The following PADI1 variants were observed in gnomAD, a reference collection of about 807,000 sequenced individuals.
PADI1 encodes the protein protein-arginine deiminase type-1.
A neutral mutation model predicts 74.8 loss-of-function variants in PADI1; 65 were observed. The ratio of observed to expected loss-of-function variants is 0.87; its 90% CI spans 0.71 to 1.07. The LOEUF (loss-of-function observed/expected upper bound fraction) is 1.07, where lower values mean the gene tolerates loss of function less well. Ranked by LOEUF, PADI1 falls within the 50% of genes least tolerant of loss-of-function variation. The pLI, the probability that PADI1 is intolerant of heterozygous loss-of-function variation, is 0.00. For synonymous variants in PADI1, 371 were observed against 336.2 expected (o/e 1.10, Z -1.13); for missense variants, 943 against 854.0 (o/e 1.10, Z -1.30).
chr1:17,232,238 G>A (rs200883230), intron 10 of PADI1, among the ~76,000 whole-genome samples: 3 of 152,088 alleles, frequency 2.0e-5, no homozygotes, highest in Non-Finnish European at 2.9e-5. Context: ...GAGCCACCAC[G>A]CCTGGCCTAC....
chr1:17,238,310 G>A (rs1569847610), intron 12 of PADI1, among the ~76,000 whole-genome samples: 1 of 152,246 alleles, frequency 6.6e-6, no homozygotes, highest in East Asian at 1.9e-4. Context: ...CCAAAGTGCT[G>A]GGATTACAGG....
At chr1:17,216,686 C>A (rs2071986552) in intron 1 of PADI1, among the ~76,000 whole-genome samples, 1 of 152,162 alleles carries the variant, frequency 6.6e-6, no homozygotes, top group South Asian at 2.1e-4. Context: ...GCCTGGCCAA[C>A]ATGGCGAAAC....
At position 17,222,352 on chromosome 1, in the gene PADI1, T is replaced by G; in HGVS notation, c.155T>G (p.Met52Arg). The G allele has an allele frequency of 6.2e-7, 1 of 1,614,062 alleles. No individual in the cohort carries two copies. Among genetic ancestry groups the G allele is most frequent in the Non-Finnish European group, 8.5e-7 (1 of 1,179,916 alleles). Residue 52 changes from methionine (M) to arginine (R), a missense_variant, in exon 2 of 16, where the codon ATG (methionine) becomes AGG (arginine). Met to Arg is a moderately conservative substitution (Grantham distance 91). Transcript: ENST00000375471. ...VSGSSGVEVF[M>R]VYNRTRVKEP... ...GGAAGCTCCGGGGTGGAGGTCTTCA[T>G]GGTCTACAACCGCACACGTGTGAAA...
intron 1 of PADI1, among the ~76,000 whole-genome samples, chr1:17,217,553 T>C (rs1032028645): frequency 2.0e-5 from 3 of 152,236 alleles, no homozygotes; most frequent in Admixed American, 1.3e-4. Context: ...ACAGCCACTA[T>C]TTAAAATTAA....
At chr1:17,240,892 A>G in intron 15 of PADI1, 132 bp downstream of exon 15, 2 of 1,050,918 alleles carry the variant, frequency 1.9e-6, no homozygotes, top group East Asian at 2.5e-5. Flanking sequence ...TTTTGTGAAT[A>G]TAGAGAACAT....
intron 1 of PADI1, among the ~76,000 whole-genome samples, chr1:17,220,173 G>A (rs1290502882): frequency 6.6e-6 from 1 of 152,040 alleles, no homozygotes; most frequent in Non-Finnish European, 1.5e-5. Flanking sequence ...GGGGCTCCTG[G>A]GGCCCCTGCA....
intron 1 of PADI1, among the ~76,000 whole-genome samples, chr1:17,219,301 G>A (rs1026936302): frequency 6.6e-6 from 1 of 152,036 alleles, no homozygotes; most frequent in Non-Finnish European, 1.5e-5. Context: ...AGGGATGAGG[G>A]ACAGCAGTGG....
Position 17,239,767 on chromosome 1 carries a change from A to G in PADI1, c.1616A>G (p.Asp539Gly), listed in dbSNP as rs1400523146. The G allele has an allele frequency of 1.2e-6, 2 of 1,613,724 alleles. No homozygotes were observed. Among genetic ancestry groups the G allele is most frequent in the South Asian group, 1.1e-5 (1 of 91,058 alleles). The part of the protein sequence containing the change: ...EMLADRHLQR[D>G]NLHAQKCIDW... ...CTGGCAGACAGACACCTCCAGAGAG[A>G]CAATCTTCATGCACAGGTGAGAGGC... The change falls in exon 14 of 16, where the codon GAC (aspartate) becomes GGC (glycine). Residue 539 changes from aspartate to glycine, a missense_variant. Asp to Gly is a moderately conservative substitution (Grantham distance 94). Transcript: ENST00000375471.
chr1:17,238,879 C>A (rs2072714357), intron 13 of PADI1, among the ~76,000 whole-genome samples, 170 bp downstream of exon 13: 1 of 152,146 alleles, frequency 6.6e-6, no homozygotes, highest in Non-Finnish European at 1.5e-5. Flanking sequence ...CTGGGCCACA[C>A]CCCAGGAGAG....
chr1:17,213,893 G>A (rs2071901658), intron 1 of PADI1, among the ~76,000 whole-genome samples: 1 of 152,192 alleles, frequency 6.6e-6, no homozygotes, highest in Non-Finnish European at 1.5e-5. Context: ...ACCCCATTCT[G>A]CCCATAACCT....
Position 17,226,082 on chromosome 1 carries a change from G to T in PADI1, c.576G>T (p.Lys192Asn), listed in dbSNP as rs765694433. Residue 192 changes from lysine to asparagine, a missense_variant, in exon 6 of 16, where the codon AAG (lysine) becomes AAT (asparagine). By Grantham distance (94) the Lys-to-Asn change is moderately conservative. Coordinates refer to ENST00000375471, the MANE Select transcript of PADI1 (RefSeq NM_013358.3). ...TGCTGAGCTGCAATGGCCCCGACAA[G>T]CTCTTCGACAGCCACAAGCTTGTCT... ...PMLLSCNGPD[K>N]LFDSHKLVLN... The T allele has an allele frequency of 1.9e-6, 3 of 1,614,072 alleles. No individual in the cohort carries two copies. In the South Asian group the frequency reaches 3.3e-5, roughly 18 times the overall value.
At position 17,245,897 on chromosome 1, in the gene PADI1, C is replaced by T. The variant is rs2072872402; in HGVS notation, c.*1654C>T. The T allele has an allele frequency of 6.6e-6, 1 of 152,248 alleles. No individual in the cohort carries two copies. Among genetic ancestry groups the T allele is most frequent in the Admixed American group, 6.5e-5 (1 of 15,288 alleles). 9.4% of individuals were successfully genotyped at this position (152,248 alleles called of 1,614,324 possible). On this transcript the variant is annotated 3_prime_UTR_variant, in exon 16 of 16. Transcript: ENST00000375471. This position sits in a 1 kb window ranked among gnomAD's most constrained non-coding sequence, Gnocchi z 4.1. ...GGGGCCACACTGAGTGTGGGAAGCTCTGGAGTTGCTGCTGGGCCATCGAGG... is the reference window on the plus strand; with the variant it reads ...GGGGCCACACTGAGTGTGGGAAGCTTTGGAGTTGCTGCTGGGCCATCGAGG...
chr1:17,216,176 G>A (rs948495853), intron 1 of PADI1, among the ~76,000 whole-genome samples: 2 of 152,160 alleles, frequency 1.3e-5, no homozygotes, highest in Non-Finnish European at 2.9e-5. Context: ...GGCCACACAG[G>A]CTCTGGTGAC....
chr1:17,230,896 G>A (rs1374220636), intron 10 of PADI1, among the ~76,000 whole-genome samples: 1 of 152,240 alleles, frequency 6.6e-6, no homozygotes, highest in Non-Finnish European at 1.5e-5. Flanking sequence ...GCAGCAGCCT[G>A]ATTGTTCCTG....
Position 17,230,155 on chromosome 1 carries a change from T to G in PADI1, c.1000T>G (p.Cys334Gly). 1 of 1,614,174 alleles carries G rather than the reference T, an allele frequency of 6.2e-7. No individual in the cohort carries two copies. Among genetic ancestry groups the G allele is most frequent in the Non-Finnish European group, 8.5e-7 (1 of 1,180,006 alleles). ...DMSYLTLKAN[C>G]KLTICPQVEN... ...GTCTTATCTGACATTGAAAGCCAAC[T>G]GCAAGCTGACCATCTGCCCTCAAGT... Residue 334 changes from cysteine to glycine, a missense_variant, in exon 9 of 16, where the codon TGC becomes GGC. Cys to Gly is a radical substitution (Grantham distance 159, BLOSUM62 -3). Coordinates refer to ENST00000375471, the MANE Select transcript of PADI1 (RefSeq NM_013358.3).
At chr1:17,221,908 T>C (rs768625108) in intron 1 of PADI1, among the ~76,000 whole-genome samples, 4 of 152,170 alleles carry the variant, frequency 2.6e-5, no homozygotes, top group African/African-American at 4.8e-5. Flanking sequence ...CAAAACAGAC[T>C]GGAGGGGCCT....
At chr1:17,241,876 A>G (rs918554682) in intron 15 of PADI1, among the ~76,000 whole-genome samples, 3 of 148,944 alleles carry the variant, frequency 2.0e-5, no homozygotes, top group African/African-American at 7.5e-5. Flanking sequence ...CGGAATCGGG[A>G]TGGAATCAGG....
chr1:17,235,292 A>AC (rs2100510893), intron 11 of PADI1, among the ~76,000 whole-genome samples: 1 of 146,504 alleles, frequency 6.8e-6, no homozygotes, highest in Non-Finnish European at 1.5e-5. Flanking sequence ...GGAAGGAAGG[A>AC]GGGAAGGAAG....
Position 17,230,625 on chromosome 1 carries a change from C to T in PADI1, c.1107C>T (p.Val369=), listed in dbSNP as rs1277821716. 3 of 1,613,302 alleles carry T rather than the reference C, an allele frequency of 1.9e-6. No individual in the cohort carries two copies. Among genetic ancestry groups the T allele is most frequent in the Non-Finnish European group, 2.5e-6 (3 of 1,179,476 alleles). The change falls in exon 10 of 16, where the codon GTC becomes GTT. Residue 369 remains valine, a synonymous_variant. Transcript: ENST00000375471. ...CCCCTCACAAATCCTTCCCCGTGGT[C>T]TTTGACTCCCCCAGGAACAGGGGCC... The part of the protein sequence containing the change: ...IEAPHKSFPV[V]FDSPRNRGLK...
Sources: gnomAD v4.1 joint callset for allele counts (sites outside exome capture counted in the v4.1 genomes callset) on GRCh38, gnomAD v4.1.1 for gene constraint, Gnocchi (gnomAD v3.1) non-coding constraint, MANE v1.5 for transcripts, NCBI Gene and HGNC (gene_info 2026-07-23, HGNC 2026-07-21) for gene names.